Variants in CLPTM1 observed in about 807,000 individuals in gnomAD.
The protein encoded by CLPTM1 is CLPTM1 regulator of GABA type A receptor forward trafficking, also known as putative lipid scramblase CLPTM1.
CLPTM1 carries 21 observed loss-of-function variants against 77.3 expected under a neutral mutation model. The observed-to-expected ratio is 0.27, with a 90% CI of 0.19 to 0.39. CLPTM1 has a LOEUF of 0.39. CLPTM1 is among the 10% of genes least tolerant of loss of function. The probability of loss-of-function intolerance (pLI) is 1.00; values close to 1 mark genes in which losing one functional copy is unlikely to be tolerated. For missense variants in CLPTM1, 642 were observed against 921.2 expected (o/e 0.70, Z 3.92); for synonymous variants, 373 against 381.0 (o/e 0.98, Z 0.24).
At chr19:44,961,781 C>A (rs938305904) in intron 1 of CLPTM1, among the ~76,000 whole-genome samples, 182 bp from the exon 2 acceptor site, 3 of 152,186 alleles carry the variant, frequency 2.0e-5, no homozygotes, top group East Asian at 1.9e-4. Flanking sequence ...AGGTGCTCTG[C>A]GAGTGTTTTC....
At position 44,990,549 on chromosome 19, in the gene CLPTM1, C is replaced by A; in HGVS notation, c.1287C>A (p.Ile429=). 1 of 1,614,040 alleles carries A rather than the reference C, an allele frequency of 6.2e-7. No individual in the cohort carries two copies. The highest frequency in any genetic ancestry group is 8.5e-7 in the Non-Finnish European group (1 of 1,179,962). ...VQVSVFIGVL[I]DLWKITKVMD... ...TCAGCGTCTTCATTGGGGTCCTCATCGACCTCTGGAAGATCACCAAGGTCA... is the reference window on the plus strand; with the variant it reads ...TCAGCGTCTTCATTGGGGTCCTCATAGACCTCTGGAAGATCACCAAGGTCA... The change falls in exon 10 of 14, where the codon ATC becomes ATA. Residue 429 remains isoleucine (I), a synonymous_variant. Transcript: ENST00000337392. This position sits in a 1 kb window ranked among gnomAD's most constrained non-coding sequence, Gnocchi z 4.8.
At chr19:44,960,631 G>A (rs895661184) in intron 1 of CLPTM1, among the ~76,000 whole-genome samples, 4 of 152,156 alleles carry the variant, frequency 2.6e-5, no homozygotes, top group Non-Finnish European at 5.9e-5. Flanking sequence ...CTCTAACCAT[G>A]CTCCTGGGAC....
At chr19:44,971,314 A>T (rs1323654070) in intron 2 of CLPTM1, among the ~76,000 whole-genome samples, 3 of 151,456 alleles carry the variant, frequency 2.0e-5, no homozygotes, top group African/African-American at 7.3e-5. Flanking sequence ...TCATTCTATC[A>T]ATATGTATAA....
chr19:44,992,206 C>G lies in CLPTM1; in HGVS notation c.1556-27C>G. On this transcript the variant is annotated intron_variant, in intron 12 of 13. Coordinates refer to ENST00000337392, the MANE Select transcript of CLPTM1 (RefSeq NM_001294.4). This position sits in a 1 kb window ranked among gnomAD's most constrained non-coding sequence, Gnocchi z 7.7. ...AGGGGAGAGGTGGGAGAGGCCATCCCTCTGCTCATGGGTGCTCTCACTGCA... is the reference window on the plus strand; with the variant it reads ...AGGGGAGAGGTGGGAGAGGCCATCCGTCTGCTCATGGGTGCTCTCACTGCA... The G allele has an allele frequency of 6.2e-7, 1 of 1,613,140 alleles. No homozygotes were observed. Among genetic ancestry groups the G allele is most frequent in the Non-Finnish European group, 8.5e-7 (1 of 1,179,420 alleles).
rs1018549786 is a variant in CLPTM1, at chr19:44,955,401, G to A, written c.6G>A (p.Ala2=). 700 of 1,340,912 alleles carry A rather than the reference G, an allele frequency of 5.2e-4. No homozygotes were observed. The highest frequency in any genetic ancestry group is 6.4e-4 in the Non-Finnish European group (669 of 1,046,804). 83.1% of individuals were successfully genotyped at this position (1,340,912 alleles called of 1,614,324 possible). M[A]AAQEADGARS... is the part of the protein sequence containing the mutation. ...CGGGGACCCGGAGCGGGAAGATGGC[G>A]GCGGCGCAGGAGGCGGACGGGGCCC... is the stretch of plus-strand genomic sequence containing the variant. Residue 2 remains alanine, a synonymous_variant, in exon 1 of 14, where the codon GCG becomes GCA. Coordinates refer to ENST00000337392, the MANE Select transcript of CLPTM1 (RefSeq NM_001294.4).
chr19:44,966,872 C>T (rs1000483226), intron 2 of CLPTM1, among the ~76,000 whole-genome samples: 55 of 152,074 alleles, frequency 3.6e-4, no homozygotes, highest in African/African-American at 1.3e-3. Context: ...GACAGAATCT[C>T]GCTCCGTCGC....
At chr19:44,975,693 A>G (rs1970795775) in intron 4 of CLPTM1, among the ~76,000 whole-genome samples, 1 of 152,062 alleles carries the variant, frequency 6.6e-6, no homozygotes, top group African/African-American at 2.4e-5. Context: ...CCTCCTGAGT[A>G]GCTGGGACTA....
At chr19:44,969,327 T>C (rs983608324) in intron 2 of CLPTM1, among the ~76,000 whole-genome samples, 6 of 152,178 alleles carry the variant, frequency 3.9e-5, no homozygotes, top group African/African-American at 1.4e-4. Flanking sequence ...GAGCTGGGCT[T>C]CAGATGAAGA....
At chr19:44,958,215 C>G (rs1201499531) in intron 1 of CLPTM1, among the ~76,000 whole-genome samples, 1 of 151,880 alleles carries the variant, frequency 6.6e-6, no homozygotes, top group Admixed American at 6.6e-5. Flanking sequence ...GCAGCCAGTG[C>G]GAAGGCCCTA....
intron 1 of CLPTM1, 144 bp downstream of exon 1, chr19:44,955,611 C>T (rs1395514968): frequency 1.0e-5 from 7 of 695,802 alleles, no homozygotes; most frequent in Admixed American, 9.5e-5. Context: ...CAGGCAGGGC[C>T]GGACCGCCCG....
intron 1 of CLPTM1, among the ~76,000 whole-genome samples, chr19:44,961,007 T>C (rs1346015946): frequency 1.3e-5 from 2 of 152,166 alleles, no homozygotes; most frequent in Non-Finnish European, 2.9e-5. Flanking sequence ...TCTCTGATTG[T>C]GACCTTCTGT....
chr19:44,983,867 C>T (rs1970938090), intron 5 of CLPTM1, among the ~76,000 whole-genome samples: 1 of 151,890 alleles, frequency 6.6e-6, no homozygotes, highest in Non-Finnish European at 1.5e-5. Context: ...GAGGCTGAGG[C>T]AGGAGAATTG....
chr19:44,992,573 G>A lies in CLPTM1; in HGVS notation c.1724-38G>A, dbSNP rs1200686204. 7 of 1,610,404 alleles carry A rather than the reference G, an allele frequency of 4.3e-6. No homozygotes were observed. The highest frequency in any genetic ancestry group is 5.1e-6 in the Non-Finnish European group (6 of 1,178,410). ...CCCAGGCCCACCTGGCTGTGGACGG[G>A]CCAGCCCGACCTCACACTGCCTCCC... On this transcript the variant is annotated intron_variant, in intron 13 of 13. Coordinates refer to ENST00000337392, the MANE Select transcript of CLPTM1 (RefSeq NM_001294.4). This position sits in a 1 kb window ranked among gnomAD's most constrained non-coding sequence, Gnocchi z 7.7.
Position 44,977,473 on chromosome 19 carries a change from C to A in CLPTM1, c.586+13C>A. Reference sequence around the variant, plus strand: ...CACATGTCCCGGAGTAAGTCGCTCCCCTGCAGCCAGGACCCACTGTCCAGG... The same window carrying A: ...CACATGTCCCGGAGTAAGTCGCTCCACTGCAGCCAGGACCCACTGTCCAGG... On this transcript the variant is annotated intron_variant, in intron 5 of 13. Transcript: ENST00000337392. 3 of 1,584,686 alleles carry A rather than the reference C, an allele frequency of 1.9e-6. No individual in the cohort carries two copies. Among genetic ancestry groups the A allele is most frequent in the Non-Finnish European group, 2.6e-6 (3 of 1,162,150 alleles).
At chr19:44,967,513 C>T (rs930391932) in intron 2 of CLPTM1, among the ~76,000 whole-genome samples, 2 of 152,020 alleles carry the variant, frequency 1.3e-5, no homozygotes, top group Admixed American at 6.6e-5. Flanking sequence ...CAAAATTAGC[C>T]GGGCATGGCG....
chr19:44,975,112 A>G (rs988320926), intron 4 of CLPTM1, among the ~76,000 whole-genome samples: 2 of 152,224 alleles, frequency 1.3e-5, no homozygotes, highest in Non-Finnish European at 2.9e-5. Flanking sequence ...ATTCAGACTC[A>G]GGCTCTACGG....
rs767749890 is a variant in CLPTM1, at chr19:44,990,580, G to T, written c.1318G>T (p.Val440Phe). Residue 440 changes from valine (V) to phenylalanine (F), a missense_variant, in exon 10 of 14, where the codon GTC (valine) becomes TTC (phenylalanine). Transcript: ENST00000337392. This position sits in a 1 kb window ranked among gnomAD's most constrained non-coding sequence, Gnocchi z 4.8. ...CTGGAAGATCACCAAGGTCATGGAC[G>T]TCCGGGTAAGGCTGGGGCGCCATGC... The part of the protein sequence containing the change: ...DLWKITKVMD[V>F]RLDREHRVAG... The T allele has an allele frequency of 6.2e-7, 1 of 1,613,460 alleles. No homozygotes were observed. The highest frequency in any genetic ancestry group is 8.5e-7 in the Non-Finnish European group (1 of 1,179,584).
intron 1 of CLPTM1, 166 bp downstream of exon 1, chr19:44,955,633 G>A (rs1179941777): frequency 1.6e-6 from 1 of 633,184 alleles, no homozygotes; most frequent in Non-Finnish European, 2.3e-6. Flanking sequence ...GAGGCCGGAC[G>A]GTGCCGGGAA....
intron 5 of CLPTM1, among the ~76,000 whole-genome samples, chr19:44,982,669 G>A (rs1301136691): frequency 3.9e-5 from 6 of 152,192 alleles, no homozygotes; most frequent in African/African-American, 4.8e-5. Context: ...GTGTGGACAC[G>A]ATTGGGGCAT....
Sources: gnomAD v4.1 joint callset for allele counts (sites outside exome capture counted in the v4.1 genomes callset) on GRCh38, gnomAD v4.1.1 for gene constraint, Gnocchi (gnomAD v3.1) non-coding constraint, MANE v1.5 for transcripts, NCBI Gene and HGNC (gene_info 2026-07-23, HGNC 2026-07-21) for gene names.